The following CDH13 variants were observed in gnomAD, a reference collection of about 807,000 sequenced individuals.
The protein encoded by CDH13 is cadherin-13.
A neutral mutation model predicts 63.8 loss-of-function variants in CDH13; 24 were observed. The ratio of observed to expected loss-of-function variants is 0.38; its 90% CI spans 0.27 to 0.53. The LOEUF is 0.53. CDH13 is among the 20% of genes least tolerant of loss of function. The pLI, the probability that CDH13 is intolerant of heterozygous loss-of-function variation, is 0.85. For missense variants in CDH13, 1,049 were observed against 903.1 expected, an observed-to-expected ratio of 1.16 and a Z score of -2.07; for synonymous variants, 503 against 355.3, an observed-to-expected ratio of 1.42 and a Z score of -4.67.
At chr16:83,644,766 A>T (rs953020873) in intron 8 of CDH13, among the ~76,000 whole-genome samples, 7 of 152,204 alleles carry the variant, frequency 4.6e-5, no homozygotes, top group Non-Finnish European at 1.0e-4. Flanking sequence ...TCCCCAGTGA[A>T]GTAGGATCCC....
At chr16:83,757,320 G>A (rs1454437346) in intron 11 of CDH13, among the ~76,000 whole-genome samples, 2 of 152,200 alleles carry the variant, frequency 1.3e-5, no homozygotes, top group African/African-American at 4.8e-5. Flanking sequence ...GCTCACTCCT[G>A]TAATCCCAGA....
intron 2 of CDH13, among the ~76,000 whole-genome samples, chr16:82,872,208 G>A (rs1003018166): frequency 6.6e-6 from 1 of 152,274 alleles, no homozygotes; most frequent in African/African-American, 2.4e-5. Flanking sequence ...ACACACAAAT[G>A]GAAATGTTTT....
chr16:82,708,322 C>A (rs2031651647), intron 1 of CDH13, among the ~76,000 whole-genome samples: 1 of 152,024 alleles, frequency 6.6e-6, no homozygotes, highest in Non-Finnish European at 1.5e-5. Flanking sequence ...TTTAGTGGAC[C>A]CACAGGGAGT....
intron 2 of CDH13, among the ~76,000 whole-genome samples, chr16:82,901,589 T>A (rs1191712866): frequency 6.6e-6 from 1 of 152,150 alleles, no homozygotes; most frequent in Non-Finnish European, 1.5e-5. Flanking sequence ...AAAAGGCATG[T>A]TGCTTGGGGT....
intron 7 of CDH13, among the ~76,000 whole-genome samples, chr16:83,555,370 C>A (rs866063102): frequency 6.6e-5 from 10 of 152,218 alleles, no homozygotes; most frequent in Admixed American, 2.0e-4. Flanking sequence ...CTGCCCCAGG[C>A]CTGTGGAATC....
At chr16:82,906,680 A>C (rs1485273987) in intron 2 of CDH13, among the ~76,000 whole-genome samples, 1 of 152,150 alleles carries the variant, frequency 6.6e-6, no homozygotes, top group Non-Finnish European at 1.5e-5. Context: ...GTGTTTTCTC[A>C]CAGTTCTAGT....
At chr16:83,588,034 C>T (rs560092972) in intron 7 of CDH13, among the ~76,000 whole-genome samples, 30 of 152,184 alleles carry the variant, frequency 2.0e-4, no homozygotes, top group Admixed American at 1.5e-3. Flanking sequence ...CCTTCCATCC[C>T]GTACACCTGG....
At chr16:83,185,489 T>G (rs1370519766) in intron 4 of CDH13, among the ~76,000 whole-genome samples, 1 of 152,250 alleles carries the variant, frequency 6.6e-6, no homozygotes, top group Non-Finnish European at 1.5e-5. Context: ...TTGTCACATT[T>G]GATGCTAAAC....
chr16:82,983,616 C>G (rs1355841178), intron 2 of CDH13, among the ~76,000 whole-genome samples: 4 of 152,194 alleles, frequency 2.6e-5, no homozygotes, highest in African/African-American at 9.7e-5. Context: ...ATCTGTGAGA[C>G]AGGGCTGCTG....
intron 5 of CDH13, among the ~76,000 whole-genome samples, chr16:83,273,567 A>G (rs950069230): frequency 6.6e-6 from 1 of 152,192 alleles, no homozygotes. Context: ...CATGTCCTTC[A>G]TGGCAACATG....
intron 7 of CDH13, among the ~76,000 whole-genome samples, chr16:83,539,400 C>G (rs184735241): frequency 6.6e-6 from 1 of 152,322 alleles, no homozygotes; most frequent in Admixed American, 6.5e-5. Context: ...TGCTGTGCGA[C>G]TCGGTTCCTA....
At chr16:83,086,433 T>C (rs924361342) in intron 3 of CDH13, among the ~76,000 whole-genome samples, 1 of 152,136 alleles carries the variant, frequency 6.6e-6, no homozygotes, top group African/African-American at 2.4e-5. Flanking sequence ...TTAAGACTCA[T>C]TAGGGTGACG....
At chr16:82,966,849 A>G (rs1463355764) in intron 2 of CDH13, among the ~76,000 whole-genome samples, 1 of 152,198 alleles carries the variant, frequency 6.6e-6, no homozygotes, top group Non-Finnish European at 1.5e-5. Context: ...TCTCTCTCAT[A>G]GAATCACAGA....
intron 7 of CDH13, among the ~76,000 whole-genome samples, chr16:83,491,840 C>T (rs571074404): frequency 6.6e-6 from 1 of 151,980 alleles, no homozygotes; most frequent in Non-Finnish European, 1.5e-5. Context: ...GCTGGTAACG[C>T]ACTTTCTGAA....
intron 6 of CDH13, among the ~76,000 whole-genome samples, chr16:83,450,818 C>T (rs57105304): frequency 0.017 from 2,539 of 152,064 alleles, 63 homozygotes; most frequent in African/African-American, 0.054. Flanking sequence ...TGCCGTGAGC[C>T]GAGATGGTGC....
intron 7 of CDH13, among the ~76,000 whole-genome samples, chr16:83,540,418 T>C (rs2075277654): frequency 6.6e-6 from 1 of 152,126 alleles, no homozygotes; most frequent in Non-Finnish European, 1.5e-5. Flanking sequence ...TAAACCTGTG[T>C]TCAGTTAAGC....
At chr16:83,311,179 A>T (rs765830128) in intron 5 of CDH13, among the ~76,000 whole-genome samples, 79 of 152,102 alleles carry the variant, frequency 5.2e-4, no homozygotes, top group Non-Finnish European at 7.2e-4. Context: ...TTGTCATATG[A>T]ATCAGTAGAG....
intron 4 of CDH13, among the ~76,000 whole-genome samples, chr16:83,159,657 G>A (rs6565143): frequency 0.42 from 63,954 of 152,010 alleles, 14,935 homozygotes; most frequent in African/African-American, 0.64. Context: ...GGTCACTAAA[G>A]GGGATATAAC....
intron 7 of CDH13, among the ~76,000 whole-genome samples, chr16:83,533,787 A>AT (rs2075132725): frequency 1.3e-5 from 2 of 151,466 alleles, no homozygotes; most frequent in Non-Finnish European, 2.9e-5. Context: ...CGCCCAGCTA[A>AT]TTTTTGCATT....
Sources: gnomAD v4.1 joint callset for allele counts (sites outside exome capture counted in the v4.1 genomes callset) on GRCh38, gnomAD v4.1.1 for gene constraint, MANE v1.5 for transcripts, NCBI Gene and HGNC (gene_info 2026-07-23, HGNC 2026-07-21) for gene names.